The following GPR176 variants were observed in gnomAD, a reference collection of about 807,000 sequenced individuals.
GPR176 encodes the protein G-protein coupled receptor 176.
A neutral mutation model predicts 35.4 loss-of-function variants in GPR176; 26 were observed. That is an observed-to-expected ratio of 0.74 (90% CI 0.54 to 1.02). The LOEUF (loss-of-function observed/expected upper bound fraction) is 1.02, where lower values mean the gene tolerates loss of function less well. GPR176 is among the 50% of genes least tolerant of loss of function. GPR176 has a pLI of 0.00. For missense variants in GPR176, 597 were observed against 665.3 expected (o/e 0.90, Z 1.13); for synonymous variants, 278 against 271.3 (o/e 1.02, Z -0.24).
intron 1 of GPR176, among the ~76,000 whole-genome samples, chr15:39,895,076 C>G (rs545187074): frequency 6.6e-6 from 1 of 152,366 alleles, no homozygotes; most frequent in Non-Finnish European, 1.5e-5. Context: ...CAAAACCAGT[C>G]AGGCGTGGCG....
At position 39,801,665 on chromosome 15, in the gene GPR176, G is replaced by A; in HGVS notation, c.1015C>T (p.His339Tyr). The A allele has an allele frequency of 1.9e-6, 3 of 1,613,626 alleles. No individual in the cohort carries two copies. The highest frequency in any genetic ancestry group is 1.7e-4 in the Middle Eastern group (1 of 6,060). ...KCLIGTLVQL[H>Y]HRYSRRNVVS... ...ACATTACGGCGACTGTACCGGTGGT[G>A]TAGTTGCACCAGGGTCCCTATCAAG... is the stretch of plus-strand genomic sequence containing the variant. Residue 339 changes from histidine (H) to tyrosine (Y), a missense_variant, in exon 3 of 3, where the codon CAC (histidine) becomes TAC (tyrosine). Physicochemically the swap from His to Tyr is moderately conservative, Grantham distance 83 (BLOSUM62 2). Transcript: ENST00000561100.
At chr15:39,805,367 T>C (rs1899124322) in intron 2 of GPR176, among the ~76,000 whole-genome samples, 2 of 152,156 alleles carry the variant, frequency 1.3e-5, no homozygotes, top group African/African-American at 4.8e-5. Context: ...AGGGCACACA[T>C]TCATCTTGCT....
At chr15:39,907,550 A>C (rs2033458198) in intron 1 of GPR176, among the ~76,000 whole-genome samples, 1 of 152,180 alleles carries the variant, frequency 6.6e-6, no homozygotes, top group Admixed American at 6.5e-5. Context: ...TATTTCATCC[A>C]CACCCCATAA....
chr15:39,807,189 T>G lies in GPR176; in HGVS notation c.242A>C (p.Lys81Thr). The change falls in exon 2 of 3, where the codon AAA becomes ACA. Residue 81 changes from lysine (K) to threonine (T), a missense_variant. This residue lies in a region of GPR176 where 220 missense variants were observed against 297.6 expected (regional missense o/e 0.74). Coordinates refer to ENST00000561100, the MANE Select transcript of GPR176 (RefSeq NM_007223.3). ...ACAAATCCCCGAGCAGGCCAGGTTT[T>G]TAATGAACCTGTTGGTGACAGATTT... ...VFKSVTNRFIKNLACSGICAS... is the reference protein window; with the variant it reads ...VFKSVTNRFITNLACSGICAS... The G allele has an allele frequency of 6.2e-7, 1 of 1,613,528 alleles. No individual in the cohort carries two copies.
rs554157980 is a variant in GPR176 at position 39,896,513 on chromosome 15, G to C, written c.172+23342C>G. Among the ~76,000 whole-genome samples, 16 of 152,264 alleles carry C rather than the reference G, an allele frequency of 1.1e-4. No individual in the cohort carries two copies. The South Asian group carries it at 1.5e-3, about 14-fold the overall frequency. ...TACTTTCAAAGAATGTTATTCATGA[G>C]CATTTTATCTTATTATTACGTGAAT... On this transcript the variant is annotated intron_variant, in intron 1 of 2. Coordinates refer to ENST00000561100, the MANE Select transcript of GPR176 (RefSeq NM_007223.3).
intron 1 of GPR176, among the ~76,000 whole-genome samples, chr15:39,813,994 C>T (rs1234333109): frequency 2.0e-5 from 3 of 152,126 alleles, no homozygotes; most frequent in Non-Finnish European, 4.4e-5. Flanking sequence ...AAGTTGGTGT[C>T]CCCAAATGCT....
At chr15:39,895,418 A>G (rs1210717967) in intron 1 of GPR176, among the ~76,000 whole-genome samples, 1 of 152,206 alleles carries the variant, frequency 6.6e-6, no homozygotes, top group African/African-American at 2.4e-5. Context: ...CTATATTAAA[A>G]CCAGTATAAA....
rs925483131 is a variant in GPR176 at position 39,799,466 on chromosome 15, T to G, written c.*1666A>C. On this transcript the variant is annotated 3_prime_UTR_variant, in exon 3 of 3. Transcript: ENST00000561100. ...CCAACACAAAGAGGAAGGTGCTTCC[T>G]CTCCAGGGGTAGGGTCTTTGGGTTC... 9 of 152,180 alleles carry G rather than the reference T, an allele frequency of 5.9e-5. No homozygotes were observed. The highest frequency in any genetic ancestry group is 1.0e-4 in the Non-Finnish European group (7 of 68,054). The allele number at this position is 152,180 out of a possible 1,614,324, so 9.4% of individuals were successfully genotyped here.
At chr15:39,911,709 G>C (rs1450468091) in intron 1 of GPR176, among the ~76,000 whole-genome samples, 4 of 152,214 alleles carry the variant, frequency 2.6e-5, no homozygotes. Flanking sequence ...TACATGCTTA[G>C]CTTATTGAGT....
chr15:39,869,400 C>T (rs2031961900), intron 1 of GPR176, among the ~76,000 whole-genome samples: 2 of 152,188 alleles, frequency 1.3e-5, no homozygotes, highest in Non-Finnish European at 2.9e-5. Flanking sequence ...GTGCTCATGA[C>T]ATCGCTACCG....
chr15:39,841,998 C>CCCCTTT (rs1472788962), intron 1 of GPR176, among the ~76,000 whole-genome samples: 1 of 152,066 alleles, frequency 6.6e-6, no homozygotes, highest in African/African-American at 2.4e-5. Flanking sequence ...ACTGAGGGGG[C>CCCCTTT]CCCTTTTGAG....
chr15:39,801,293 G>A lies in GPR176; in HGVS notation c.1387C>T (p.Gln463Ter). The change falls in exon 3 of 3, where the codon CAG becomes TAG. Residue 463 changes from glutamine to a stop codon, truncating the protein, a stop_gained. Transcript: ENST00000561100. LOFTEE classifies it high-confidence loss of function. The stretch of plus-strand genomic sequence containing the variant: ...CTGTTTCGGGTCTCTGAGAGCCACT[G>A]AGGAGGCAACTCAAAAGGCCCAAAG... ...FGFGPFELPP[Q>*]WLSETRNSKK... 1 of 1,614,136 alleles carries A rather than the reference G, an allele frequency of 6.2e-7. No homozygotes were observed. Among genetic ancestry groups the A allele is most frequent in the Non-Finnish European group, 8.5e-7 (1 of 1,179,974 alleles).
At chr15:39,853,455 C>T (rs2031005850) in intron 1 of GPR176, among the ~76,000 whole-genome samples, 1 of 152,084 alleles carries the variant, frequency 6.6e-6, no homozygotes, top group African/African-American at 2.4e-5. Flanking sequence ...GTTGCAGTTT[C>T]GCAAGACGAA....
intron 1 of GPR176, among the ~76,000 whole-genome samples, chr15:39,819,976 C>G (rs1439159478): frequency 6.6e-6 from 1 of 152,142 alleles, no homozygotes; most frequent in African/African-American, 2.4e-5. Context: ...TTTTCTATAG[C>G]TGAATTTAGT....
intron 2 of GPR176, 73 bp from the exon 3 acceptor site, chr15:39,802,327 G>A (rs1595428982): frequency 4.3e-6 from 5 of 1,160,732 alleles, no homozygotes; most frequent in East Asian, 4.9e-5. Flanking sequence ...ATCACCAAAA[G>A]TAGATGAGAG....
chr15:39,801,560 G>A lies in GPR176; in HGVS notation c.1120C>T (p.His374Tyr). ...TTAAAGATCTGCTGCTGCCCAATGT[G>A]GAACATCTCCAGGAGCTGGCTACCC... is the stretch of plus-strand genomic sequence containing the variant. ...RSGSQLLEMFHIGQQQIFKPT... is the reference protein window; with the variant it reads ...RSGSQLLEMFYIGQQQIFKPT... Residue 374 changes from histidine (H) to tyrosine (Y), a missense_variant, in exon 3 of 3, where the codon CAC becomes TAC. Physicochemically the swap from His to Tyr is moderately conservative, Grantham distance 83 (BLOSUM62 2). Coordinates refer to ENST00000561100, the MANE Select transcript of GPR176 (RefSeq NM_007223.3). 6.2e-7 allele frequency: 1 copy of A among 1,614,110 alleles called. No individual in the cohort carries two copies. Among genetic ancestry groups the A allele is most frequent in the Non-Finnish European group, 8.5e-7 (1 of 1,179,968 alleles).
intron 1 of GPR176, among the ~76,000 whole-genome samples, chr15:39,819,455 T>G (rs903526657): frequency 6.6e-6 from 1 of 152,218 alleles, no homozygotes; most frequent in Admixed American, 6.5e-5. Flanking sequence ...CATAAAGACC[T>G]AAATAGATGA....
intron 1 of GPR176, among the ~76,000 whole-genome samples, chr15:39,879,392 G>T (rs565203379): frequency 1.3e-5 from 2 of 152,306 alleles, no homozygotes; most frequent in South Asian, 4.1e-4. Context: ...GTGGTCATCA[G>T]CTGATATTTA....
intron 1 of GPR176, among the ~76,000 whole-genome samples, chr15:39,878,472 TTGTGTGTGTG>T (rs3066143): frequency 2.7e-5 from 4 of 148,062 alleles, no homozygotes; most frequent in African/African-American, 7.5e-5. Context: ...CAAATAATAT[TTGTGTGTGTG>T]TGTGTGTGTG....
Sources: gnomAD v4.1 joint callset for allele counts (sites outside exome capture counted in the v4.1 genomes callset) on GRCh38, gnomAD v4.1.1 for gene constraint, gnomAD v4.1.1 regional missense constraint, MANE v1.5 for transcripts, NCBI Gene and HGNC (gene_info 2026-07-23, HGNC 2026-07-21) for gene names.